The following AACS variants were observed in gnomAD, a reference collection of about 807,000 sequenced individuals.
AACS encodes the protein acetoacetate-CoA ligase.
A neutral mutation model predicts 83.1 loss-of-function variants in AACS; 69 were observed. The ratio of observed to expected loss-of-function variants is 0.83; its 90% CI spans 0.68 to 1.01. AACS has a LOEUF of 1.01. AACS is among the 50% of genes least tolerant of loss of function. The pLI is 0.00. For missense variants in AACS, 866 were observed against 882.2 expected, an observed-to-expected ratio of 0.98 and a Z score of 0.23; for synonymous variants, 333 against 343.4, an observed-to-expected ratio of 0.97 and a Z score of 0.33.
chr12:125,126,845 A>G (rs1367797064), intron 12 of AACS: 1 of 152,002 alleles, frequency 6.6e-6, no homozygotes, highest in Non-Finnish European at 1.5e-5. Context: ...GGCCTCCCAA[A>G]ATGATGGGAT....
chr12:125,066,254 C>T (rs1345655113), intron 1 of AACS, among the ~76,000 whole-genome samples: 1 of 151,950 alleles, frequency 6.6e-6, no homozygotes, highest in Non-Finnish European at 1.5e-5. Context: ...ACTCCCAGCC[C>T]CCAAACAGAA....
chr12:125,108,411 C>T (rs1053614103), intron 8 of AACS, among the ~76,000 whole-genome samples: 6 of 152,140 alleles, frequency 3.9e-5, no homozygotes, highest in Non-Finnish European at 7.4e-5. Context: ...CCAGTCAGAT[C>T]GGATCTGGGC....
At chr12:125,091,622 G>A (rs1008258175) in intron 5 of AACS, 99 bp downstream of exon 5, 37 of 1,262,788 alleles carry the variant, frequency 2.9e-5, no homozygotes, top group African/African-American at 2.7e-4. Context: ...GGACAGCAGC[G>A]TGAGCCCAGC....
chr12:125,091,926 C>T (rs1203691848), intron 5 of AACS, among the ~76,000 whole-genome samples: 2 of 152,204 alleles, frequency 1.3e-5, no homozygotes, highest in Admixed American at 6.5e-5. Flanking sequence ...CCAGGACCTC[C>T]CTGTGTTGGT....
At chr12:125,107,547 C>T (rs1032081452) in intron 8 of AACS, among the ~76,000 whole-genome samples, 2 of 152,158 alleles carry the variant, frequency 1.3e-5, no homozygotes, top group African/African-American at 2.4e-5. Context: ...GTGGGGGGTG[C>T]GCTGGCTGAA....
At chr12:125,072,950 T>C (rs2343543) in intron 1 of AACS, among the ~76,000 whole-genome samples, 100,057 of 129,968 alleles carry the variant, frequency 0.77, 38,694 homozygotes, top group South Asian at 0.84. Flanking sequence ...TTTTTTGAGA[T>C]GGAGTTTCGC....
intron 8 of AACS, among the ~76,000 whole-genome samples, chr12:125,112,971 GT>G (rs1399788250): frequency 2.0e-5 from 3 of 151,818 alleles, no homozygotes; most frequent in Non-Finnish European, 4.4e-5. Flanking sequence ...CCCACAACAT[GT>G]GGGAATTATG....
chr12:125,074,185 C>T (rs950980121), intron 2 of AACS, among the ~76,000 whole-genome samples: 1 of 152,034 alleles, frequency 6.6e-6, no homozygotes, highest in African/African-American at 2.4e-5. Context: ...GTATGGGGAC[C>T]CCAGGCCCTG....
At chr12:125,089,644 T>A (rs1956417020) in intron 4 of AACS, among the ~76,000 whole-genome samples, 2 of 152,034 alleles carry the variant, frequency 1.3e-5, no homozygotes, top group African/African-American at 4.8e-5. Context: ...CCCTCTCCTC[T>A]CTATCCATCC....
Position 125,125,003 on chromosome 12 carries a change from A to T in AACS, c.1288A>T (p.Ile430Phe). ...EYVYRCIKSSILLGSISGGTD... is the reference protein window; with the variant it reads ...EYVYRCIKSSFLLGSISGGTD... Reference sequence around the variant, plus strand: ...TGTCTACAGGTGCATCAAGAGCAGCATCCTCCTGGGCTCCATCTCAGGTAT... The same window carrying T: ...TGTCTACAGGTGCATCAAGAGCAGCTTCCTCCTGGGCTCCATCTCAGGTAT... Residue 430 changes from isoleucine to phenylalanine, a missense_variant, in exon 12 of 18, where the codon ATC becomes TTC. Coordinates refer to ENST00000316519, the MANE Select transcript of AACS (RefSeq NM_023928.5). 6.2e-7 allele frequency: 1 copy of T among 1,614,182 alleles called. No individual in the cohort carries two copies. Among genetic ancestry groups the T allele is most frequent in the Non-Finnish European group, 8.5e-7 (1 of 1,180,046 alleles).
At chr12:125,127,906 A>G (rs1957271280) in intron 12 of AACS, 2 of 333,482 alleles carry the variant, frequency 6.0e-6, no homozygotes, top group Non-Finnish European at 1.1e-5. Context: ...ACAGGAGGTC[A>G]TTTACTTAGC....
Position 125,129,233 on chromosome 12 carries a change from T to G in AACS, c.1424-102T>G. 6.8e-7 allele frequency: 1 copy of G among 1,472,306 alleles called. No homozygotes were observed. The highest frequency in any genetic ancestry group is 2.3e-5 in the Admixed American group (1 of 43,752). The allele number at this position is 1,472,306 out of a possible 1,614,324, so 91.2% of individuals were successfully genotyped here. On this transcript the variant is annotated intron_variant, in intron 13 of 17. Coordinates refer to ENST00000316519, the MANE Select transcript of AACS (RefSeq NM_023928.5). The surrounding 1 kb of genome is among the most constrained non-coding windows in gnomAD (Gnocchi z 4.3). ...CCATCTCTGTACCTTTGTATATGTCTGGAATATTGCATAATAAGTAATAGC... is the reference window on the plus strand; with the variant it reads ...CCATCTCTGTACCTTTGTATATGTCGGGAATATTGCATAATAAGTAATAGC...
At chr12:125,100,161 G>T (rs920679480) in intron 5 of AACS, among the ~76,000 whole-genome samples, 2 of 152,078 alleles carry the variant, frequency 1.3e-5, no homozygotes, top group African/African-American at 4.8e-5. Flanking sequence ...GATTACAGGT[G>T]CCCTGCTAAT....
At chr12:125,118,991 C>T (rs1957107222) in intron 10 of AACS, among the ~76,000 whole-genome samples, 1 of 152,224 alleles carries the variant, frequency 6.6e-6, no homozygotes, top group South Asian at 2.1e-4. Context: ...CTCTTCCCTC[C>T]AGAGTGAGGG....
chr12:125,084,756 T>A (rs979760682), intron 3 of AACS, among the ~76,000 whole-genome samples: 1 of 151,940 alleles, frequency 6.6e-6, no homozygotes, highest in Non-Finnish European at 1.5e-5. Context: ...TTTTTAAAAA[T>A]TTTTTTTGTA....
intron 17 of AACS, among the ~76,000 whole-genome samples, chr12:125,137,363 G>C (rs891580609): frequency 6.6e-6 from 1 of 152,142 alleles, no homozygotes; most frequent in Non-Finnish European, 1.5e-5. Flanking sequence ...TGTATTCTTA[G>C]TAAAGATGGG....
At chr12:125,131,619 TTTTC>T (rs1957329796) in intron 14 of AACS, among the ~76,000 whole-genome samples, 1 of 151,946 alleles carries the variant, frequency 6.6e-6, no homozygotes, top group South Asian at 2.1e-4. Context: ...CCCATTTTGG[TTTTC>T]TTTATGGCTT....
chr12:125,107,355 T>C, intron 8 of AACS, 87 bp downstream of exon 8: 8 of 1,534,864 alleles, frequency 5.2e-6, no homozygotes, highest in Non-Finnish European at 7.1e-6. Context: ...AGTGTTGGAG[T>C]TGTCAAACTG....
intron 3 of AACS, among the ~76,000 whole-genome samples, chr12:125,083,896 C>T (rs746647638): frequency 2.0e-5 from 3 of 151,972 alleles, no homozygotes; most frequent in Non-Finnish European, 4.4e-5. Flanking sequence ...TCAGGTGATT[C>T]ACCTGCCTCA....
Sources: gnomAD v4.1 joint callset for allele counts (sites outside exome capture counted in the v4.1 genomes callset) on GRCh38, gnomAD v4.1.1 for gene constraint, Gnocchi (gnomAD v3.1) non-coding constraint, MANE v1.5 for transcripts, NCBI Gene and HGNC (gene_info 2026-07-23, HGNC 2026-07-21) for gene names.